Variants in PLEKHA3 observed in about 807,000 individuals in gnomAD.
PLEKHA3 encodes pleckstrin homology domain containing A3.
PLEKHA3 carries 19 observed loss-of-function variants against 39.2 expected under a neutral mutation model. That is an observed-to-expected ratio of 0.48 (90% CI 0.34 to 0.71). The LOEUF is 0.71. Among genes scored for constraint, PLEKHA3 ranks in the 30% least tolerant of loss-of-function variants. PLEKHA3 has a pLI of 0.01. For synonymous variants in PLEKHA3, 97 were observed against 118.6 expected, an observed-to-expected ratio of 0.82 and a Z score of 1.18; for missense variants, 253 against 359.5, an observed-to-expected ratio of 0.70 and a Z score of 2.40.
chr2:178,495,754 G>A, intron 5 of PLEKHA3, 94 bp downstream of exon 5: 1 of 1,344,236 alleles, frequency 7.4e-7, no homozygotes, highest in South Asian at 1.4e-5. Context: ...GTGGAAGCAG[G>A]CAGTTGGGGG....
chr2:178,489,676 G>A lies in PLEKHA3; in HGVS notation c.158-983G>A, dbSNP rs555172846. Among the ~76,000 whole-genome samples, 10 of 152,066 alleles carry A rather than the reference G, an allele frequency of 6.6e-5. No individual in the cohort carries two copies. In the South Asian group the frequency reaches 2.1e-3, roughly 32 times the overall value. The stretch of plus-strand genomic sequence containing the variant: ...AATATTACTTTGCATTACAATGGAA[G>A]CCTCTATTTATGCTTGTTTCCTAAT... On this transcript the variant is annotated intron_variant, in intron 2 of 7. Transcript: ENST00000234453.
chr2:178,487,178 G>A (rs1685263411), intron 2 of PLEKHA3, among the ~76,000 whole-genome samples: 1 of 152,208 alleles, frequency 6.6e-6, no homozygotes, highest in African/African-American at 2.4e-5. Flanking sequence ...CAGGATTCTT[G>A]CTGAAGGCAG....
chr2:178,497,061 C>T (rs1269957544), intron 5 of PLEKHA3, among the ~76,000 whole-genome samples: 1 of 152,038 alleles, frequency 6.6e-6, no homozygotes. Context: ...GTTGGGATTA[C>T]AGGCATAAGC....
rs988570212 is a variant in PLEKHA3, at chr2:178,509,401, G to C, written c.*5514G>C. On this transcript the variant is annotated 3_prime_UTR_variant, in exon 8 of 8. Transcript: ENST00000234453. ...CAATTCATAAAAAGCAGTTAGAAAA[G>C]TGCTGGGCACGTAGTGTGTTGAATA... is the stretch of plus-strand genomic sequence containing the variant. 2.6e-5 allele frequency: 4 copies of C among 151,988 alleles called. No homozygotes were observed. The highest frequency in any genetic ancestry group is 5.9e-5 in the Non-Finnish European group (4 of 67,994). 9.4% of individuals were successfully genotyped at this position (151,988 alleles called of 1,614,324 possible). A position where few individuals can be genotyped will look rare whatever the true frequency, so the allele number is the denominator to read the frequency against.
intron 4 of PLEKHA3, among the ~76,000 whole-genome samples, chr2:178,495,020 G>A (rs1685419089): frequency 1.3e-5 from 2 of 151,654 alleles, no homozygotes; most frequent in Non-Finnish European, 1.5e-5. Context: ...CATCCCCCAG[G>A]ATCAGGGCAC....
intron 7 of PLEKHA3, among the ~76,000 whole-genome samples, chr2:178,501,902 A>G (rs981090734): frequency 3.3e-5 from 5 of 152,008 alleles, no homozygotes; most frequent in Non-Finnish European, 5.9e-5. Context: ...ACAATTTCCA[A>G]TTAAGGAACA....
Position 178,507,310 on chromosome 2 carries a change from TG to T in PLEKHA3, c.*3424del, listed in dbSNP as rs1481845666. 6.6e-6 allele frequency: 1 copy of T among 152,214 alleles called. No homozygotes were observed. Among genetic ancestry groups the T allele is most frequent in the Non-Finnish European group, 1.5e-5 (1 of 68,034 alleles). The allele number at this position is 152,214 out of a possible 1,614,324, so 9.4% of individuals were successfully genotyped here. Reference sequence around the variant, plus strand: ...ACTTTTAGTTAGAACAAACTTTTTGTGAAATAGATAGACATAAATGTAGTTC... The same window carrying T: ...ACTTTTAGTTAGAACAAACTTTTTGTAAATAGATAGACATAAATGTAGTTC... On this transcript the variant is annotated 3_prime_UTR_variant, in exon 8 of 8. Coordinates refer to ENST00000234453, the MANE Select transcript of PLEKHA3 (RefSeq NM_019091.4).
At chr2:178,493,311 A>G (rs1411521512) in intron 3 of PLEKHA3, among the ~76,000 whole-genome samples, 1 of 152,256 alleles carries the variant, frequency 6.6e-6, no homozygotes, top group East Asian at 1.9e-4. Flanking sequence ...GAATGTTTAT[A>G]AACAATAGTT....
chr2:178,505,214 G>A lies in PLEKHA3; in HGVS notation c.*1327G>A, dbSNP rs1021125796. On this transcript the variant is annotated 3_prime_UTR_variant, in exon 8 of 8. Coordinates refer to ENST00000234453, the MANE Select transcript of PLEKHA3 (RefSeq NM_019091.4). ...ATAATTTTTGTTGCCTGTGAGCTTA[G>A]AATGGTGTGACCTATTTCATTTTAT... is the stretch of plus-strand genomic sequence containing the variant. 2.6e-5 allele frequency: 4 copies of A among 152,174 alleles called. No individual in the cohort carries two copies. The highest frequency in any genetic ancestry group is 9.7e-5 in the African/African-American group (4 of 41,418). 9.4% of individuals were successfully genotyped at this position (152,174 alleles called of 1,614,324 possible).
rs186257802 is a variant in PLEKHA3, at chr2:178,495,394, G to A, written c.451-102G>A. The A allele has an allele frequency of 3.2e-5, 35 of 1,106,760 alleles. No individual in the cohort carries two copies. The Admixed American group carries it at 8.0e-4, about 25-fold the overall frequency. The allele number at this position is 1,106,760 out of a possible 1,614,324, so 68.6% of individuals were successfully genotyped here. Reference sequence around the variant, plus strand: ...TTTAAATAAATTTGAACATAACATAGTAATGTGTCTGTTGGAGATGTCTTA... The same window carrying A: ...TTTAAATAAATTTGAACATAACATAATAATGTGTCTGTTGGAGATGTCTTA... On this transcript the variant is annotated intron_variant, in intron 4 of 7. Transcript: ENST00000234453.
Position 178,504,980 on chromosome 2 carries a change from G to A in PLEKHA3, c.*1093G>A, listed in dbSNP as rs536302616. ...AGTTTTGTTTAAGGTTTTGGATAAGGAGCACTTTAAAACAAACTGGTGTGT... is the reference window on the plus strand; with the variant it reads ...AGTTTTGTTTAAGGTTTTGGATAAGAAGCACTTTAAAACAAACTGGTGTGT... On this transcript the variant is annotated 3_prime_UTR_variant, in exon 8 of 8. Coordinates refer to ENST00000234453, the MANE Select transcript of PLEKHA3 (RefSeq NM_019091.4). The A allele has an allele frequency of 6.6e-6, 1 of 152,286 alleles. No homozygotes were observed. The highest frequency in any genetic ancestry group is 1.5e-5 in the Non-Finnish European group (1 of 67,834). The allele number at this position is 152,286 out of a possible 1,614,324, so 9.4% of individuals were successfully genotyped here.
chr2:178,500,361 A>T (rs780309923), intron 6 of PLEKHA3, among the ~76,000 whole-genome samples: 1 of 152,140 alleles, frequency 6.6e-6, no homozygotes, highest in African/African-American at 2.4e-5. Context: ...TGAATTTTCC[A>T]GAAAAATGGA....
At position 178,490,497 on chromosome 2, in the gene PLEKHA3, C is replaced by T. The variant is rs145133092; in HGVS notation, c.158-162C>T. Among the ~76,000 whole-genome samples, 218 of 152,258 alleles carry T rather than the reference C, an allele frequency of 1.4e-3. 5 individuals are homozygous for T. The South Asian group carries it at 0.022, about 15-fold the overall frequency. On this transcript the variant is annotated intron_variant, in intron 2 of 7. Transcript: ENST00000234453. ...TATGAGAATGTTGATTTGGGGAGTG[C>T]CACTGGGTGGCCCCTCAGGGAGCAG...
intron 2 of PLEKHA3, 127 bp downstream of exon 2, chr2:178,485,884 G>A (rs994548129): frequency 3.1e-5 from 19 of 611,094 alleles, no homozygotes; most frequent in Admixed American, 1.2e-4. Flanking sequence ...TATATCCTTA[G>A]CAGTCAGGAG....
intron 5 of PLEKHA3, among the ~76,000 whole-genome samples, chr2:178,497,334 C>T (rs1685465081): frequency 6.6e-6 from 1 of 151,852 alleles, no homozygotes; most frequent in Admixed American, 6.6e-5. Context: ...GGGTTCATGC[C>T]ATTCTCCTGC....
rs1685694188 is a variant in PLEKHA3 at position 178,511,882 on chromosome 2, A to G, written c.*7995A>G. ...CCAAATACAGTAACTAATCTAGTAT[A>G]TTTTCATAGGATAGAATTTGCCCTT... On this transcript the variant is annotated 3_prime_UTR_variant, in exon 8 of 8. Coordinates refer to ENST00000234453, the MANE Select transcript of PLEKHA3 (RefSeq NM_019091.4). The G allele has an allele frequency of 6.6e-6, 1 of 152,160 alleles. No individual in the cohort carries two copies. The allele number at this position is 152,160 out of a possible 1,614,324, so 9.4% of individuals were successfully genotyped here.
intron 2 of PLEKHA3, among the ~76,000 whole-genome samples, 168 bp from the exon 3 acceptor site, chr2:178,490,491 G>T (rs1685326551): frequency 6.6e-6 from 1 of 152,162 alleles, no homozygotes; most frequent in Non-Finnish European, 1.5e-5. Flanking sequence ...GTTGATTTGG[G>T]GAGTGCCACT....
intron 3 of PLEKHA3, among the ~76,000 whole-genome samples, chr2:178,492,072 T>G (rs1685357145): frequency 6.6e-6 from 1 of 152,188 alleles, no homozygotes; most frequent in African/African-American, 2.4e-5. Context: ...ACAAACGATA[T>G]TCAAACCATA....
Position 178,495,515 on chromosome 2 carries a change from C to A in PLEKHA3, c.470C>A (p.Ser157Tyr). Reference protein sequence around the residue: ...PSAENMNEASSLLSATCNTFI... With the variant: ...PSAENMNEASYLLSATCNTFI... Reference sequence around the variant, plus strand: ...TTTCAGAACATGAATGAAGCCTCTTCTCTGCTTAGTGCCACGTGTAACACA... The same window carrying A: ...TTTCAGAACATGAATGAAGCCTCTTATCTGCTTAGTGCCACGTGTAACACA... The change falls in exon 5 of 8, where the codon TCT becomes TAT. Residue 157 changes from serine to tyrosine, a missense_variant. Transcript: ENST00000234453. 1 of 1,613,946 alleles carries A rather than the reference C, an allele frequency of 6.2e-7. No homozygotes were observed. The highest frequency in any genetic ancestry group is 2.2e-5 in the East Asian group (1 of 44,880).
Sources: gnomAD v4.1 joint callset for allele counts (sites outside exome capture counted in the v4.1 genomes callset) on GRCh38, gnomAD v4.1.1 for gene constraint, MANE v1.5 for transcripts, NCBI Gene and HGNC (gene_info 2026-07-23, HGNC 2026-07-21) for gene names.